Variants in PLEC observed in about 807,000 individuals in gnomAD.
PLEC encodes plectin.
PLEC carries 216 observed loss-of-function variants against 392.8 expected under a neutral mutation model. The ratio of observed to expected loss-of-function variants is 0.55; its 90% CI spans 0.49 to 0.62. The LOEUF (loss-of-function observed/expected upper bound fraction) is 0.62, where lower values mean the gene tolerates loss of function less well. PLEC is among the 20% of genes least tolerant of loss of function. PLEC has a pLI of 0.00. For synonymous variants in PLEC, 3,621 were observed against 2,980.6 expected (o/e 1.21, Z -7.00); for missense variants, 6,863 against 6,563.4 (o/e 1.05, Z -1.58).
upstream of PLEC, among the ~76,000 whole-genome samples, chr8:143,974,500 C>T (rs1833588051): frequency 6.6e-6 from 1 of 152,256 alleles, no homozygotes; most frequent in African/African-American, 2.4e-5. The surrounding 1 kb of genome is among the most constrained non-coding windows in gnomAD (Gnocchi z 5.9). Context: ...TTTCCTGCTC[C>T]TACCAGCCCC....
chr8:143,961,482 C>G (rs1229228097), intron 1 of PLEC, among the ~76,000 whole-genome samples: 1 of 152,190 alleles, frequency 6.6e-6, no homozygotes, highest in African/African-American at 2.4e-5. Flanking sequence ...ACTCGGCCCC[C>G]CAAAGTGTTG....
upstream of PLEC, among the ~76,000 whole-genome samples, chr8:143,952,214 GCACACA>G (rs1181688101): frequency 3.8e-3 from 522 of 136,584 alleles, 2 homozygotes; most frequent in Non-Finnish European, 5.0e-3. Flanking sequence ...ACACACGCGC[GCACACA>G]CGCACGCGCA....
At position 143,935,039 on chromosome 8, in the gene PLEC, G is replaced by A. The variant is rs782324328; in HGVS notation, c.797C>T (p.Pro266Leu). The A allele has an allele frequency of 1.6e-5, 26 of 1,612,668 alleles. No individual in the cohort carries two copies. The highest frequency in any genetic ancestry group is 8.8e-5 in the South Asian group (8 of 91,094). Residue 266 changes from proline to leucine, a missense_variant, in exon 8 of 32, where the codon CCG becomes CTG. Physicochemically the swap from Pro to Leu is moderately conservative, Grantham distance 98 (BLOSUM62 -3). Transcript: ENST00000345136. The stretch of plus-strand genomic sequence containing the variant: ...GGCCCTCACCCCATCCTGCACGTCC[G>A]GCACGCGGGGCATGGCGTCATACAG... The part of the protein sequence containing the change: ...SSLYDAMPRV[P>L]DVQDGVRANE...
chr8:143,963,525 T>C (rs956340382), intron 1 of PLEC, among the ~76,000 whole-genome samples: 11 of 152,208 alleles, frequency 7.2e-5, no homozygotes, highest in Non-Finnish European at 1.3e-4. Context: ...TAGCCCAACA[T>C]TGCAGTTTGG....
In PLEC at chr8:143,930,436, G is replaced by A. The variant is rs1826879495; in HGVS notation, c.2405C>T (p.Pro802Leu). Residue 802 changes from proline (P) to leucine (L), a missense_variant, in exon 20 of 32, where the codon CCC becomes CTC. Transcript: ENST00000345136. ...CAGCAGGGGCAGGCGGCCCCGCATGGGGTGGGCTGGGTGGCGGGGCTTCAG... is the reference window on the plus strand; with the variant it reads ...CAGCAGGGGCAGGCGGCCCCGCATGAGGTGGGCTGGGTGGCGGGGCTTCAG... ...VQLKPRHPAH[P>L]MRGRLPLLAV... The A allele has an allele frequency of 6.4e-7, 1 of 1,574,214 alleles. No homozygotes were observed. Among genetic ancestry groups the A allele is most frequent in the South Asian group, 1.2e-5 (1 of 86,818 alleles).
Position 143,934,550 on chromosome 8 carries a change from A to C in PLEC, c.1041+85T>G, listed in dbSNP as rs1233849489. 4 of 1,595,220 alleles carry C rather than the reference A, an allele frequency of 2.5e-6. No homozygotes were observed. The African/African-American group carries it at 5.4e-5, about 21-fold the overall frequency. ...AGACCTGGGACAGCCCTGGTCCCAA[A>C]GGCAGGGCCAGGTCGGCTCCGGAAG... On this transcript the variant is annotated intron_variant, in intron 10 of 31. Transcript: ENST00000345136.
chr8:143,949,286 G>T (rs1281846430), intron 1 of PLEC, among the ~76,000 whole-genome samples: 2 of 152,266 alleles, frequency 1.3e-5, no homozygotes, highest in Non-Finnish European at 2.9e-5. Context: ...CCAGGTGCCA[G>T]CCCCAAAGAG....
upstream of PLEC, among the ~76,000 whole-genome samples, chr8:143,940,097 C>T (rs1294117947): frequency 3.3e-5 from 5 of 152,244 alleles, no homozygotes; most frequent in African/African-American, 1.2e-4. Flanking sequence ...GCCCCCCAAT[C>T]ACACCTCTTC....
chr8:143,920,600 G>A lies in PLEC; in HGVS notation c.9221C>T (p.Ala3074Val), dbSNP rs781880018. 5.0e-5 allele frequency: 80 copies of A among 1,609,278 alleles called. No homozygotes were observed. Among genetic ancestry groups the A allele is most frequent in the Non-Finnish European group, 6.3e-5 (74 of 1,179,892 alleles). Residue 3074 changes from alanine to valine, a missense_variant, in exon 32 of 32, where the codon GCC becomes GTC. Transcript: ENST00000345136. The stretch of plus-strand genomic sequence containing the variant: ...CACTGCCTCGTCCACGGTCAGCCGG[G>A]CGCTGGTGGCGGGGTCGATGATGTG... ...TGHIIDPATS[A>V]RLTVDEAVRA...
At position 143,934,657 on chromosome 8, in the gene PLEC, T is replaced by C; in HGVS notation, c.1019A>G (p.Lys340Arg). The change falls in exon 10 of 32, where the codon AAG (lysine) becomes AGG (arginine). Residue 340 changes from lysine to arginine, a missense_variant. Physicochemically the swap from Lys to Arg is conservative, Grantham distance 26. Coordinates refer to ENST00000345136, the MANE Select transcript of PLEC (RefSeq NM_201384.3). Reference sequence around the variant, plus strand: ...CACCTCCAGGGATTGGTAGATGCCCTTGGACCTGTTCTTGTCGGCCTCCTT... The same window carrying C: ...CACCTCCAGGGATTGGTAGATGCCCCTGGACCTGTTCTTGTCGGCCTCCTT... ...PAKEADKNRS[K>R]GIYQSLEGAV... 1 of 1,613,218 alleles carries C rather than the reference T, an allele frequency of 6.2e-7. No individual in the cohort carries two copies. Among genetic ancestry groups the C allele is most frequent in the Non-Finnish European group, 8.5e-7 (1 of 1,179,930 alleles).
intron 30 of PLEC, 104 bp from the exon 31 acceptor site, chr8:143,925,988 G>C: frequency 2.3e-6 from 3 of 1,301,624 alleles, no homozygotes; most frequent in Non-Finnish European, 2.1e-6. Flanking sequence ...GCGCGGAGCA[G>C]GGGTCGGGGA....
chr8:143,961,008 G>A lies in PLEC; in HGVS notation c.70+12395C>T, dbSNP rs529033105. ...CTGGCCATGCAGAGCGGCACGTGTG[G>A]GCCCAGCCTCTGAGCGCACTCAGGC... On this transcript the variant is annotated intron_variant, in intron 1 of 31. Coordinates refer to the PLEC transcript ENST00000356346. Among the ~76,000 whole-genome samples, 151 of 152,336 alleles carry A rather than the reference G, an allele frequency of 9.9e-4. 1 individual carries two copies. The highest frequency in any genetic ancestry group is 1.4e-3 in the Non-Finnish European group (92 of 68,032).
In PLEC at chr8:143,918,415, G is replaced by A. The variant is rs1554675218; in HGVS notation, c.11406C>T (p.Ala3802=). Residue 3802 remains alanine (A), a synonymous_variant, in exon 32 of 32, where the codon GCC becomes GCT. Coordinates refer to ENST00000345136, the MANE Select transcript of PLEC (RefSeq NM_201384.3). The stretch of plus-strand genomic sequence containing the variant: ...CCACGATGCCGCCGGTGGCCAGCTG[G>A]GCATCCAGCAGCCGCAGGGCCTCCT... ...PTEEALRLLD[A]QLATGGIVDP... 7.6e-6 allele frequency: 12 copies of A among 1,572,820 alleles called. No homozygotes were observed. Among genetic ancestry groups the A allele is most frequent in the East Asian group, 2.3e-5 (1 of 43,126 alleles).
chr8:143,927,520 C>A lies in PLEC; in HGVS notation c.3646G>T (p.Ala1216Ser), dbSNP rs1274866582. 2 of 1,597,504 alleles carry A rather than the reference C, an allele frequency of 1.3e-6. No homozygotes were observed. The highest frequency in any genetic ancestry group is 2.2e-5 in the East Asian group (1 of 44,814). Residue 1216 changes from alanine (A) to serine (S), a missense_variant, in exon 27 of 32, where the codon GCA becomes TCA. By Grantham distance (99) the Ala-to-Ser change is moderately conservative (BLOSUM62 1). Transcript: ENST00000345136. ...TGCAGCCAGGCGCCCAAGGGGTCTGCACTCTCGCGGTAGTAACGCAGCTGG... is the reference window on the plus strand; with the variant it reads ...TGCAGCCAGGCGCCCAAGGGGTCTGAACTCTCGCGGTAGTAACGCAGCTGG... ...GRQLRYYRES[A>S]DPLGAWLQDA...
intron 1 of PLEC, among the ~76,000 whole-genome samples, chr8:143,959,921 T>C (rs537729792): frequency 4.6e-5 from 7 of 151,702 alleles, no homozygotes; most frequent in East Asian, 1.9e-4. Context: ...GGAGGTTGCA[T>C]TGAGCTGAGA....
Position 143,918,986 on chromosome 8 carries a change from C to A in PLEC, c.10835G>T (p.Arg3612Leu), listed in dbSNP as rs369226598. 1 of 1,611,136 alleles carries A rather than the reference C, an allele frequency of 6.2e-7. No homozygotes were observed. The highest frequency in any genetic ancestry group is 8.5e-7 in the Non-Finnish European group (1 of 1,180,012). ...GATGATCATGCGTTCCTTGGTCACC[C>A]GGCCGGCCTGGAAGTCAGCCATCAG... ...AQLMADFQAG[R>L]VTKERMIIII... is the part of the protein sequence containing the mutation. The change falls in exon 32 of 32, where the codon CGG (arginine) becomes CTG (leucine). Residue 3612 changes from arginine to leucine, a missense_variant. Coordinates refer to ENST00000345136, the MANE Select transcript of PLEC (RefSeq NM_201384.3).
At chr8:143,946,439 G>C (rs1831489010) in intron 1 of PLEC, 1 of 1,281,164 alleles carries the variant, frequency 7.8e-7, no homozygotes, top group Non-Finnish European at 1.0e-6. Context: ...AGGGAGGAAG[G>C]CGAGGCAGGA....
At chr8:143,971,098 C>T (rs555533326) in intron 1 of PLEC, among the ~76,000 whole-genome samples, 1 of 152,262 alleles carries the variant, frequency 6.6e-6, no homozygotes, top group Admixed American at 6.5e-5. Flanking sequence ...CCGGGGATTT[C>T]CAGGGGAGAG....
chr8:143,928,219 A>C (rs1825934481), intron 25 of PLEC, among the ~76,000 whole-genome samples: 1 of 152,164 alleles, frequency 6.6e-6, no homozygotes, highest in Non-Finnish European at 1.5e-5. Flanking sequence ...CAGCCTGGAG[A>C]GGGGGTGCGC....
Sources: allele counts gnomAD v4.1 joint callset (sites outside exome capture counted in the v4.1 genomes callset), GRCh38; gene constraint gnomAD v4.1.1; non-coding constraint Gnocchi (gnomAD v3.1); transcripts MANE v1.5; gene names NCBI Gene and HGNC (gene_info 2026-07-23, HGNC 2026-07-21).